ARHGAP11B: variants seen among roughly 807,000 people sequenced by gnomAD.
ARHGAP11B encodes Rho GTPase activating protein 11B.
Under a neutral mutation model 27.6 loss-of-function variants are expected in ARHGAP11B, and 14 were observed. That is an observed-to-expected ratio of 0.51 (90% CI 0.34 to 0.79). The LOEUF is 0.79. Among genes scored for constraint, ARHGAP11B ranks in the 30% least tolerant of loss-of-function variants. The probability of loss-of-function intolerance (pLI) is 0.02; values close to 1 mark genes in which losing one functional copy is unlikely to be tolerated. For missense variants in ARHGAP11B, 245 were observed against 320.1 expected, an observed-to-expected ratio of 0.77 and a Z score of 1.79; for synonymous variants, 82 against 114.1, an observed-to-expected ratio of 0.72 and a Z score of 1.80.
chr15:30,635,498 G>C, exon 6 of ARHGAP11B: 1 of 1,613,396 alleles, frequency 6.2e-7, no homozygotes, highest in Non-Finnish European at 8.5e-7. Context: ...GCGTGTACCA[G>C]ACTTTATCCT....
intron 6 of ARHGAP11B, among the ~76,000 whole-genome samples, chr15:30,636,998 A>AAC (rs1402326382): frequency 6.6e-6 from 1 of 152,006 alleles, no homozygotes; most frequent in Non-Finnish European, 1.5e-5. Flanking sequence ...TTTTTTGGAG[A>AAC]ACACAATGCA....
intron 9 of ARHGAP11B, among the ~76,000 whole-genome samples, chr15:30,646,716 T>C (rs1170552725): frequency 6.7e-6 from 1 of 149,768 alleles, no homozygotes; most frequent in East Asian, 2.0e-4. Context: ...ATGCCTGTAA[T>C]CCCAGCACTT....
intron 2 of ARHGAP11B, among the ~76,000 whole-genome samples, chr15:30,631,236 G>A (rs530964485): frequency 5.3e-5 from 8 of 151,650 alleles, no homozygotes; most frequent in African/African-American, 1.9e-4. Context: ...ATGAGTAAAT[G>A]TTAGAAATCA....
chr15:30,629,106 C>T (rs568748176), intron 1 of ARHGAP11B, among the ~76,000 whole-genome samples: 2 of 152,142 alleles, frequency 1.3e-5, no homozygotes, highest in African/African-American at 4.8e-5. Context: ...GTGTGTCAGA[C>T]ACTGATACAA....
chr15:30,632,110 A>G (rs1413911008), intron 2 of ARHGAP11B, among the ~76,000 whole-genome samples: 1 of 118,942 alleles, frequency 8.4e-6, no homozygotes, highest in Non-Finnish European at 1.7e-5. Context: ...AGAAATTACT[A>G]GGAAAGTTTA....
chr15:30,642,616 A>G (rs549776765), intron 7 of ARHGAP11B, among the ~76,000 whole-genome samples: 2 of 151,968 alleles, frequency 1.3e-5, no homozygotes, highest in Non-Finnish European at 2.9e-5. Flanking sequence ...TAAATATTTT[A>G]TATAGATAAC....
At chr15:30,630,856 G>C (rs928161247) in intron 2 of ARHGAP11B, 83 bp downstream of exon 2, 1 of 1,607,308 alleles carries the variant, frequency 6.2e-7, no homozygotes, top group Non-Finnish European at 8.5e-7. Flanking sequence ...GAGGTGGGCA[G>C]ATCACTTGAG....
chr15:30,635,418 A>G (rs2060273415), intron 5 of ARHGAP11B, 69 bp from the exon 6 acceptor site: 1 of 1,543,390 alleles, frequency 6.5e-7, no homozygotes, highest in South Asian at 1.3e-5. Flanking sequence ...GTATATTAGT[A>G]TCTAAACATT....
At chr15:30,640,058 T>C (rs868148386) in intron 7 of ARHGAP11B, among the ~76,000 whole-genome samples, 171 of 140,258 alleles carry the variant, frequency 1.2e-3, no homozygotes, top group African/African-American at 4.6e-3. Context: ...GAGTAGTAGT[T>C]TGGGCTTCTG....
chr15:30,635,654 A>G, intron 6 of ARHGAP11B, 21 bp downstream of exon 6: 1 of 1,612,658 alleles, frequency 6.2e-7, no homozygotes, highest in South Asian at 1.1e-5. Context: ...GTCCCATTTT[A>G]TGGAGGTACA....
At chr15:30,638,600 A>G (rs2060296137) in intron 6 of ARHGAP11B, 146 bp from the exon 7 acceptor site, 1 of 452,776 alleles carries the variant, frequency 2.2e-6, no homozygotes, top group Non-Finnish European at 4.0e-6. Context: ...TATTTTTCCT[A>G]TTTTGAAATA....
chr15:30,629,492 G>T (rs1035579313), intron 1 of ARHGAP11B, among the ~76,000 whole-genome samples: 9 of 152,164 alleles, frequency 5.9e-5, no homozygotes, highest in African/African-American at 2.2e-4. Context: ...GGCGGAGCTT[G>T]CAGTGAGCCG....
exon 1 of ARHGAP11B, chr15:30,626,690 C>T: frequency 4.4e-6 from 6 of 1,374,636 alleles, no homozygotes; most frequent in Non-Finnish European, 5.9e-6. Context: ...GTCGGGGCCG[C>T]AGAAGTGCCA....
chr15:30,628,079 C>CTTTTTTT (rs371979874), intron 1 of ARHGAP11B, among the ~76,000 whole-genome samples: 2 of 141,020 alleles, frequency 1.4e-5, no homozygotes, highest in Non-Finnish European at 3.1e-5. Context: ...TTTTCTTTTC[C>CTTTTTTT]TTTTTTTTTT....
chr15:30,640,004 G>T (rs1666669266), intron 7 of ARHGAP11B, among the ~76,000 whole-genome samples: 1 of 150,664 alleles, frequency 6.6e-6, no homozygotes, highest in Non-Finnish European at 1.5e-5. Context: ...GTGTGTGTGT[G>T]TGTGTGTGTT....
In ARHGAP11B at chr15:30,633,601, G is replaced by A; in HGVS notation, c.297+15G>A. On this transcript the variant is annotated intron_variant, in intron 3 of 10. Transcript: ENST00000428041. ...AAGCACTAAAGGTGAGCATATTGTT[G>A]AACTATAATTTTTCATTTGAGCCAT... 6.3e-7 allele frequency: 1 copy of A among 1,593,492 alleles called. No homozygotes were observed. Among genetic ancestry groups the A allele is most frequent in the Non-Finnish European group, 8.5e-7 (1 of 1,170,448 alleles).
intron 1 of ARHGAP11B, 130 bp from the exon 2 acceptor site, chr15:30,630,573 T>C: frequency 6.6e-7 from 1 of 1,503,912 alleles, no homozygotes; most frequent in South Asian, 1.3e-5. Flanking sequence ...ATTATTTTTG[T>C]CTTGATTGAT....
Position 30,635,071 on chromosome 15 carries a change from T to G in ARHGAP11B, c.552-9T>G, listed in dbSNP as rs752328442. 1 of 1,612,498 alleles carries G rather than the reference T, an allele frequency of 6.2e-7. No individual in the cohort carries two copies. The highest frequency in any genetic ancestry group is 1.1e-5 in the South Asian group (1 of 91,058). ...TGGCTCCATCTAATAAAGCGTTTATTCACTTAAGATCCAGTGAGAATAAGA... is the reference window on the plus strand; with the variant it reads ...TGGCTCCATCTAATAAAGCGTTTATGCACTTAAGATCCAGTGAGAATAAGA... On this transcript the variant is annotated splice_polypyrimidine_tract_variant and intron_variant, in intron 4 of 10. Transcript: ENST00000428041.
chr15:30,639,534 TAAG>T (rs914333452), intron 7 of ARHGAP11B, among the ~76,000 whole-genome samples: 1 of 151,888 alleles, frequency 6.6e-6, no homozygotes, highest in African/African-American at 2.4e-5. Context: ...AATAGCTTTA[TAAG>T]AAGAAATTAT....
Sources: allele counts gnomAD v4.1 joint callset (sites outside exome capture counted in the v4.1 genomes callset), GRCh38; gene constraint gnomAD v4.1.1; transcripts MANE v1.5; gene names NCBI Gene and HGNC (gene_info 2026-07-23, HGNC 2026-07-21).